The following TTC27 variants were observed in gnomAD, a reference collection of about 807,000 sequenced individuals.
The protein encoded by TTC27 is tetratricopeptide repeat domain 27.
In TTC27, 79 loss-of-function variants were observed where a neutral mutation model predicts 115.9. The ratio of observed to expected loss-of-function variants is 0.68; its 90% CI spans 0.57 to 0.82. The LOEUF is 0.82. TTC27 is among the 40% of genes least tolerant of loss of function. TTC27 has a pLI of 0.00. For synonymous variants in TTC27, 401 were observed against 356.0 expected, an observed-to-expected ratio of 1.13 and a Z score of -1.42; for missense variants, 1,054 against 993.1, an observed-to-expected ratio of 1.06 and a Z score of -0.82.
At chr2:32,813,926 G>C (rs1572637117) in intron 18 of TTC27, among the ~76,000 whole-genome samples, 1 of 152,160 alleles carries the variant, frequency 6.6e-6, no homozygotes, top group South Asian at 2.1e-4. Flanking sequence ...GGATGTTTTG[G>C]GGGTGGTTAG....
At chr2:32,818,466 G>C (rs1354696639) in intron 19 of TTC27, among the ~76,000 whole-genome samples, 5 of 152,196 alleles carry the variant, frequency 3.3e-5, no homozygotes, top group Admixed American at 6.5e-5. Context: ...TTGTGTACCA[G>C]TGCTGGGCCA....
At chr2:32,645,149 T>A (rs1664807386) in intron 4 of TTC27, among the ~76,000 whole-genome samples, 1 of 152,204 alleles carries the variant, frequency 6.6e-6, no homozygotes, top group Non-Finnish European at 1.5e-5. Flanking sequence ...AAGTTATTTA[T>A]GATGATATTA....
intron 10 of TTC27, among the ~76,000 whole-genome samples, chr2:32,705,166 A>C (rs1439797044): frequency 6.6e-6 from 1 of 151,958 alleles, no homozygotes; most frequent in Admixed American, 6.6e-5. Context: ...CTGTTAGTTC[A>C]TGTGAGAGCT....
intron 14 of TTC27, 26 bp downstream of exon 14, chr2:32,778,006 T>G (rs1670055811): frequency 6.2e-7 from 1 of 1,607,324 alleles, no homozygotes; most frequent in African/African-American, 1.3e-5. Context: ...CTTCTGTCCT[T>G]ACGTGGCTCT....
At chr2:32,784,616 A>T (rs756229013) in intron 15 of TTC27, among the ~76,000 whole-genome samples, 8 of 152,198 alleles carry the variant, frequency 5.3e-5, no homozygotes, top group Non-Finnish European at 5.9e-5. Flanking sequence ...TATCTCTACT[A>T]TAGAGGGGTT....
intron 9 of TTC27, among the ~76,000 whole-genome samples, chr2:32,696,103 G>A (rs193110071): frequency 0.028 from 4,223 of 148,412 alleles, 93 homozygotes; most frequent in African/African-American, 0.053. Context: ...CAGCCTGGGT[G>A]ACAGAGCGAG....
intron 9 of TTC27, among the ~76,000 whole-genome samples, chr2:32,687,612 ATAT>A: frequency 6.6e-6 from 1 of 152,336 alleles, no homozygotes; most frequent in African/African-American, 2.4e-5. Context: ...TGAATGGAAA[ATAT>A]TATCCCATGA....
intron 9 of TTC27, among the ~76,000 whole-genome samples, chr2:32,687,534 G>A (rs1315906781): frequency 6.6e-6 from 1 of 152,168 alleles, no homozygotes; most frequent in Non-Finnish European, 1.5e-5. Context: ...TAAAAAGCGA[G>A]AGACAACTAT....
In TTC27 at chr2:32,787,129, G is replaced by A. The variant is rs1300437570; in HGVS notation, c.1978G>A (p.Asp660Asn). 6.2e-7 allele frequency: 1 copy of A among 1,612,488 alleles called. No homozygotes were observed. The change falls in exon 16 of 20, where the codon GAC (aspartate) becomes AAC (asparagine). Residue 660 changes from aspartate to asparagine, a missense_variant. Physicochemically the swap from Asp to Asn is conservative, Grantham distance 23. Coordinates refer to ENST00000317907, the MANE Select transcript of TTC27 (RefSeq NM_017735.5). ...KAYHRLLDLR[D>N]KYKDVQVLKI... ...TTATCACCGGCTCTTGGACTTACGT[G>A]ACAAATACAAAGATGTTCAGGTAGG...
intron 13 of TTC27, among the ~76,000 whole-genome samples, chr2:32,776,968 T>C (rs931015289): frequency 1.3e-5 from 2 of 151,538 alleles, no homozygotes; most frequent in Admixed American, 6.6e-5. Context: ...AAGGAAATAT[T>C]ATGATGTACA....
At chr2:32,717,599 T>C (rs35908733) in intron 10 of TTC27, among the ~76,000 whole-genome samples, 8,383 of 152,278 alleles carry the variant, frequency 0.055, 379 homozygotes, top group East Asian at 0.21. Context: ...GAAGAACAAA[T>C]GTAGTTAAAT....
chr2:32,660,747 T>C (rs372071987), intron 5 of TTC27, among the ~76,000 whole-genome samples: 69 of 152,366 alleles, frequency 4.5e-4, no homozygotes, highest in African/African-American at 1.6e-3. Flanking sequence ...TAGTTTCTTT[T>C]GCTATACAGA....
intron 10 of TTC27, among the ~76,000 whole-genome samples, chr2:32,711,499 T>A (rs1667580003): frequency 6.6e-6 from 1 of 152,258 alleles, no homozygotes; most frequent in Non-Finnish European, 1.5e-5. Flanking sequence ...TTGTTGAAGT[T>A]ACTGCATCCC....
At chr2:32,707,733 G>A (rs1439842497) in intron 10 of TTC27, among the ~76,000 whole-genome samples, 1 of 152,034 alleles carries the variant, frequency 6.6e-6, no homozygotes, top group Non-Finnish European at 1.5e-5. Context: ...TATTCCTTAG[G>A]TTTTATATAT....
intron 16 of TTC27, 56 bp from the exon 17 acceptor site, chr2:32,810,968 T>C: frequency 6.4e-7 from 1 of 1,574,470 alleles, no homozygotes; most frequent in Non-Finnish European, 8.7e-7. Flanking sequence ...TAGCTCTTTG[T>C]TTTTGTTATT....
chr2:32,770,187 A>G (rs1376947787), intron 13 of TTC27, among the ~76,000 whole-genome samples: 5 of 152,240 alleles, frequency 3.3e-5, no homozygotes, highest in Non-Finnish European at 7.3e-5. Context: ...AATAATGAGA[A>G]TAGCAACTAA....
At chr2:32,651,102 C>G (rs1665106899) in intron 5 of TTC27, among the ~76,000 whole-genome samples, 1 of 152,092 alleles carries the variant, frequency 6.6e-6, no homozygotes, top group African/African-American at 2.4e-5. Flanking sequence ...TTTTGAGTTA[C>G]AGAGACGGGA....
chr2:32,798,653 C>T (rs1670802416), intron 16 of TTC27, among the ~76,000 whole-genome samples: 1 of 146,620 alleles, frequency 6.8e-6, no homozygotes, highest in African/African-American at 2.6e-5. Context: ...TACCGTGAGC[C>T]AAGATTGCAC....
At chr2:32,694,046 T>C (rs72787553) in intron 9 of TTC27, among the ~76,000 whole-genome samples, 7,180 of 152,286 alleles carry the variant, frequency 0.047, 235 homozygotes, top group Non-Finnish European at 0.073. Flanking sequence ...TGCAGTTGAG[T>C]AGTTACTGCA....
Sources: gnomAD v4.1 joint callset for allele counts (sites outside exome capture counted in the v4.1 genomes callset) on GRCh38, gnomAD v4.1.1 for gene constraint, MANE v1.5 for transcripts, NCBI Gene and HGNC (gene_info 2026-07-23, HGNC 2026-07-21) for gene names.